The following NDUFAF6 variants were observed in gnomAD, a reference collection of about 807,000 sequenced individuals.
NDUFAF6 encodes NADH dehydrogenase (ubiquinone) complex I, assembly factor 6.
Under a neutral mutation model 40.8 loss-of-function variants are expected in NDUFAF6, and 45 were observed. That is an observed-to-expected ratio of 1.10 (90% confidence interval 0.87 to 1.42). The LOEUF (loss-of-function observed/expected upper bound fraction) is 1.42. Among genes scored for constraint, NDUFAF6 ranks in the 40% most tolerant of loss-of-function variants. The probability of loss-of-function intolerance (pLI) is 0.00; values close to 1 mark genes in which losing one functional copy is unlikely to be tolerated. For missense variants in NDUFAF6, 435 were observed against 418.5 expected (o/e 1.04, Z -0.34); for synonymous variants, 185 against 155.9 (o/e 1.19, Z -1.39).
At chr8:95,038,614 C>A (rs1343002449) in intron 3 of NDUFAF6, among the ~76,000 whole-genome samples, 1 of 152,146 alleles carries the variant, frequency 6.6e-6, no homozygotes, top group African/African-American at 2.4e-5. Flanking sequence ...TCCCAAAGTG[C>A]TGAGATTACA....
At chr8:95,116,018 A>G (rs1419264783) in intron 5 of NDUFAF6, among the ~76,000 whole-genome samples, 1 of 152,042 alleles carries the variant, frequency 6.6e-6, no homozygotes, top group Admixed American at 6.6e-5. Flanking sequence ...CGTGTCTGTA[A>G]TCCCAGCTAT....
At chr8:95,041,893 A>G (rs935501549) in intron 4 of NDUFAF6, among the ~76,000 whole-genome samples, 1 of 152,172 alleles carries the variant, frequency 6.6e-6, no homozygotes, top group Admixed American at 6.5e-5. Flanking sequence ...TCATACTTAC[A>G]TAAAAGTAGA....
chr8:94,955,897 C>A (rs1823028470), upstream of NDUFAF6, among the ~76,000 whole-genome samples: 1 of 152,240 alleles, frequency 6.6e-6, no homozygotes, highest in Non-Finnish European at 1.5e-5. Context: ...CACACTGATA[C>A]ACCTGAGTTA....
chr8:94,987,169 AT>A (rs1825955416), intron 2 of NDUFAF6, among the ~76,000 whole-genome samples: 1 of 152,212 alleles, frequency 6.6e-6, no homozygotes, highest in African/African-American at 2.4e-5. Context: ...GGTTTTCTAA[AT>A]TTAGAATATC....
At chr8:95,034,936 G>A (rs1190782423) in intron 2 of NDUFAF6, among the ~76,000 whole-genome samples, 1 of 151,506 alleles carries the variant, frequency 6.6e-6, no homozygotes, top group African/African-American at 2.4e-5. Flanking sequence ...CTAGAGTGTG[G>A]TGGTGTGATC....
chr8:95,020,678 A>G (rs1007722615), upstream of NDUFAF6, among the ~76,000 whole-genome samples: 1 of 152,204 alleles, frequency 6.6e-6, no homozygotes, highest in African/African-American at 2.4e-5. Context: ...CTTCAGAACG[A>G]TACACTAACA....
At chr8:94,902,187 G>C (rs1050255555) in intron 1 of NDUFAF6, among the ~76,000 whole-genome samples, 3 of 152,154 alleles carry the variant, frequency 2.0e-5, no homozygotes, top group African/African-American at 7.2e-5. Context: ...GAGAGGCCAA[G>C]GCAGGTGGAT....
intron 1 of NDUFAF6, among the ~76,000 whole-genome samples, chr8:95,028,955 T>C (rs1267633643): frequency 6.6e-6 from 1 of 152,200 alleles, no homozygotes; most frequent in Non-Finnish European, 1.5e-5. Context: ...GTGAAACTGC[T>C]TAGGGTGAGA....
intron 2 of NDUFAF6, among the ~76,000 whole-genome samples, chr8:94,996,129 T>G (rs1291568820): frequency 6.6e-6 from 1 of 152,214 alleles, no homozygotes; most frequent in Non-Finnish European, 1.5e-5. Context: ...ATCACATTAA[T>G]GTATCACGTT....
At chr8:95,077,060 G>A (rs1046105532), downstream of NDUFAF6, among the ~76,000 whole-genome samples, 4 of 152,116 alleles carry the variant, frequency 2.6e-5, no homozygotes, top group Non-Finnish European at 2.9e-5. Context: ...AGCCAGAGAC[G>A]TGCACACATG....
chr8:95,009,875 A>T (rs1249592172), intron 2 of NDUFAF6, among the ~76,000 whole-genome samples: 1 of 152,236 alleles, frequency 6.6e-6, no homozygotes, highest in African/African-American at 2.4e-5. Flanking sequence ...TATATTTAAA[A>T]GTTTATTAAA....
rs1242904810 is a variant in NDUFAF6 at position 94,997,343 on chromosome 8, C to CACACACAGAGAG, written c.-84+16371_-84+16372insCACACAGAGAGA. Among the ~76,000 whole-genome samples the CACACACAGAGAG allele has an allele frequency of 1.3e-3, 122 of 90,552 alleles. 2 individuals are homozygous for CACACACAGAGAG. The highest frequency in any genetic ancestry group is 3.8e-3 in the African/African-American group (83 of 22,062). The allele number at this position is 90,552 out of a possible 152,430, so 59.4% of individuals were successfully genotyped here. A position where few individuals can be genotyped will look rare whatever the true frequency, so the allele number is the denominator to read the frequency against. On this transcript the variant is annotated intron_variant, in intron 2 of 9. Transcript: ENST00000396111. ...ACACACACACACACACACACACACA[C>CACACACAGAGAG]AGAGAGAGAGAGAGAGAGAGAGACA...
At chr8:95,006,801 G>C (rs1827008716) in intron 2 of NDUFAF6, among the ~76,000 whole-genome samples, 1 of 151,872 alleles carries the variant, frequency 6.6e-6, no homozygotes, top group Admixed American at 6.6e-5. Context: ...GTTGACTTGA[G>C]CCCAGGAGGC....
At chr8:95,097,895 A>G (rs1330505947), upstream of NDUFAF6, among the ~76,000 whole-genome samples, 5 of 152,180 alleles carry the variant, frequency 3.3e-5, no homozygotes, top group Non-Finnish European at 7.4e-5. Flanking sequence ...GTGGCTAGTG[A>G]GAGATCTCTA....
intron 1 of NDUFAF6, among the ~76,000 whole-genome samples, chr8:94,968,113 G>C (rs544407035): frequency 1.3e-5 from 2 of 152,296 alleles, no homozygotes; most frequent in African/African-American, 4.8e-5. Context: ...ACTGGGCTGG[G>C]AGTTGCGGGT....
chr8:95,064,169 C>T (rs573578730), intron 9 of NDUFAF6, among the ~76,000 whole-genome samples: 12 of 150,592 alleles, frequency 8.0e-5, no homozygotes, highest in Admixed American at 6.0e-4. Flanking sequence ...GGATTACACG[C>T]GTGAGTCCCT....
downstream of NDUFAF6, among the ~76,000 whole-genome samples, chr8:95,106,788 A>T (rs1809853751): frequency 6.6e-6 from 1 of 152,200 alleles, no homozygotes; most frequent in Non-Finnish European, 1.5e-5. Flanking sequence ...ATTTACAAGA[A>T]AAAAACCAAA....
Position 95,057,798 on chromosome 8 carries a change from C to CT in NDUFAF6, c.874-5dup. The CT allele has an allele frequency of 6.3e-7, 1 of 1,587,006 alleles. No homozygotes were observed. The highest frequency in any genetic ancestry group is 1.1e-5 in the South Asian group (1 of 89,904). On this transcript the variant is annotated splice_polypyrimidine_tract_variant and intron_variant, in intron 8 of 8. Coordinates refer to ENST00000396124, the MANE Select transcript of NDUFAF6 (RefSeq NM_152416.4). ...TTTATGATCTGGTGATCACTATTCTCTTTTTTCCAGGTTTCTCTAGAGGAC... is the reference window on the plus strand; with the variant it reads ...TTTATGATCTGGTGATCACTATTCTCTTTTTTTCCAGGTTTCTCTAGAGGAC...
At chr8:95,011,070 C>T (rs539276924) in intron 2 of NDUFAF6, among the ~76,000 whole-genome samples, 1 of 152,296 alleles carries the variant, frequency 6.6e-6, no homozygotes, top group Non-Finnish European at 1.5e-5. Flanking sequence ...GGGATCTTGG[C>T]TGCAAAGCTG....
Sources: gnomAD v4.1 joint callset for allele counts (sites outside exome capture counted in the v4.1 genomes callset) on GRCh38, gnomAD v4.1.1 for gene constraint, MANE v1.5 for transcripts, NCBI Gene and HGNC (gene_info 2026-07-23, HGNC 2026-07-21) for gene names.